Variants in TTC12 observed in about 807,000 individuals in gnomAD.
TTC12 encodes the protein tetratricopeptide repeat domain 12.
Under a neutral mutation model 90.1 loss-of-function variants are expected in TTC12, and 70 were observed. The ratio of observed to expected loss-of-function variants is 0.78; its 90% CI spans 0.64 to 0.95. The LOEUF is 0.95. TTC12 is among the 40% of genes least tolerant of loss of function. The pLI is 0.00. For synonymous variants in TTC12, 296 were observed against 311.5 expected, an observed-to-expected ratio of 0.95 and a Z score of 0.53; for missense variants, 819 against 846.1, an observed-to-expected ratio of 0.97 and a Z score of 0.40.
In TTC12 at chr11:113,358,966, C is replaced by T. The variant is rs569718626; in HGVS notation, c.1447-397C>T. ...CCTTCATCTACTCTCAGTGCCTTCC[C>T]TTTGAAGATCTATTAGGAGCATGTC... is the stretch of plus-strand genomic sequence containing the variant. On this transcript the variant is annotated intron_variant, in intron 16 of 21. Transcript: ENST00000529221. 5.9e-5 allele frequency among the ~76,000 whole-genome samples: 9 copies of T among 152,084 alleles called. No homozygotes were observed. In the South Asian group the frequency reaches 1.9e-3, roughly 32 times the overall value.
rs372223919 is a variant in TTC12 at position 113,351,293 on chromosome 11, C to T, written c.1302C>T (p.Gly434=). The change falls in exon 15 of 22, where the codon GGC becomes GGT. Residue 434 remains glycine (G), a synonymous_variant. Transcript: ENST00000529221. The stretch of plus-strand genomic sequence containing the variant: ...CAGGTGTTCTCCCTGCACTCACAGG[C>T]GTTCTGGTGAGCAAACTGTCATTTT... ...NLPGVLPALT[G]VLKTDPKVSS... 2.5e-5 allele frequency: 40 copies of T among 1,613,680 alleles called. No individual in the cohort carries two copies. The highest frequency in any genetic ancestry group is 2.8e-5 in the Non-Finnish European group (33 of 1,179,712).
intron 12 of TTC12, 22 bp downstream of exon 12, chr11:113,341,947 T>C (rs782490925): frequency 2.5e-6 from 4 of 1,597,510 alleles, no homozygotes; most frequent in East Asian, 2.2e-5. Flanking sequence ...TAATCACCGT[T>C]GATCACCATT....
intron 18 of TTC12, 58 bp downstream of exon 18, chr11:113,360,066 T>A (rs1041583722): frequency 1.7e-6 from 2 of 1,204,852 alleles, no homozygotes; most frequent in Admixed American, 2.1e-5. Context: ...TTTGTTTTGT[T>A]TTGTTTTGTT....
In TTC12 at chr11:113,326,026, C is replaced by T. The variant is rs182701146; in HGVS notation, c.444+381C>T. On this transcript the variant is annotated intron_variant, in intron 6 of 21. Coordinates refer to ENST00000529221, the MANE Select transcript of TTC12 (RefSeq NM_017868.4). ...TCTGCTACCAACATATTTCTTCAGCCTCCTTTTTTGGTACTAGTCTTAACT... is the reference window on the plus strand; with the variant it reads ...TCTGCTACCAACATATTTCTTCAGCTTCCTTTTTTGGTACTAGTCTTAACT... Among the ~76,000 whole-genome samples, 797 of 152,022 alleles carry T rather than the reference C, an allele frequency of 5.2e-3. 7 individuals are homozygous for T. Among genetic ancestry groups the T allele is most frequent in the African/African-American group, 0.018 (749 of 41,320 alleles).
intron 9 of TTC12, 23 bp from the exon 10 acceptor site, chr11:113,339,263 G>T (rs1948549697): frequency 1.3e-6 from 2 of 1,575,842 alleles, no homozygotes; most frequent in Non-Finnish European, 8.6e-7. Context: ...GTTTTGTTTT[G>T]CTTTCCTTTC....
intron 1 of TTC12, chr11:113,314,858 G>C (rs1946823395): frequency 6.8e-6 from 1 of 146,992 alleles, no homozygotes. Context: ...GCGCGCGTCT[G>C]GGGCAGGCTC....
At chr11:113,336,674 G>T (rs1371355322) in intron 8 of TTC12, among the ~76,000 whole-genome samples, 2 of 152,102 alleles carry the variant, frequency 1.3e-5, no homozygotes, top group African/African-American at 4.8e-5. Context: ...AAATATATGG[G>T]TTTATTTTTG....
Position 113,351,597 on chromosome 11 carries a change from C to T in TTC12, c.1308+298C>T, listed in dbSNP as rs548777016. On this transcript the variant is annotated intron_variant, in intron 15 of 21. Transcript: ENST00000529221. ...AGTCCCCTGCTGACACTAAGTACGA[C>T]GTGCAACCCTATTCCCAGATGGAAG... 3.3e-5 allele frequency among the ~76,000 whole-genome samples: 5 copies of T among 152,298 alleles called. No individual in the cohort carries two copies. The South Asian group carries it at 6.2e-4, about 19-fold the overall frequency.
intron 16 of TTC12, among the ~76,000 whole-genome samples, chr11:113,356,714 G>T (rs1949655406): frequency 6.6e-6 from 1 of 152,096 alleles, no homozygotes; most frequent in South Asian, 2.1e-4. Context: ...TGAAATTCTG[G>T]GTTGGAATTT....
At chr11:113,316,751 A>G (rs986065874) in intron 2 of TTC12, among the ~76,000 whole-genome samples, 41 of 152,198 alleles carry the variant, frequency 2.7e-4, no homozygotes, top group Admixed American at 2.6e-4. Context: ...GGATCCATCA[A>G]ATTACATGGA....
chr11:113,339,675 A>G (rs987451041), intron 10 of TTC12: 6 of 510,730 alleles, frequency 1.2e-5, no homozygotes, highest in Admixed American at 6.6e-5. Flanking sequence ...GCATGCGTAC[A>G]CTCAGCACAC....
chr11:113,340,338 G>A (rs1164517470), intron 10 of TTC12, among the ~76,000 whole-genome samples: 1 of 152,180 alleles, frequency 6.6e-6, no homozygotes. Context: ...GGATATGCTG[G>A]TACTTCCCAT....
At chr11:113,368,139 C>G (rs761106506), downstream of TTC12, 5 of 1,324,150 alleles carry the variant, frequency 3.8e-6, no homozygotes, top group South Asian at 1.3e-5. Context: ...ATTCTCTTCC[C>G]CAAAGAGTGG....
intron 16 of TTC12, among the ~76,000 whole-genome samples, chr11:113,359,051 GC>G (rs782278421): frequency 7.2e-5 from 11 of 151,776 alleles, no homozygotes; most frequent in Admixed American, 3.3e-4. Context: ...TAGCCATCTT[GC>G]CTGATCCTGA....
chr11:113,318,739 G>T (rs1182053120), intron 2 of TTC12, among the ~76,000 whole-genome samples: 2 of 152,180 alleles, frequency 1.3e-5, no homozygotes, highest in African/African-American at 2.4e-5. Context: ...TCCTGGGTGG[G>T]AAGTAAGGAG....
At chr11:113,361,332 C>T (rs1390802662) in intron 18 of TTC12, among the ~76,000 whole-genome samples, 2 of 152,216 alleles carry the variant, frequency 1.3e-5, no homozygotes, top group Non-Finnish European at 2.9e-5. Context: ...TGACAGTGAA[C>T]AGGCAATGGT....
At chr11:113,368,423 A>G, downstream of TTC12, 4 of 1,550,288 alleles carry the variant, frequency 2.6e-6, no homozygotes, top group Non-Finnish European at 3.5e-6. Context: ...TCCACTTGCC[A>G]GGAGCCCCGA....
chr11:113,339,577 A>G lies in TTC12; in HGVS notation c.826+103A>G, dbSNP rs1948570897. 13 of 1,079,152 alleles carry G rather than the reference A, an allele frequency of 1.2e-5. No individual in the cohort carries two copies. The South Asian group carries it at 2.2e-4, about 18-fold the overall frequency. 66.8% of individuals were successfully genotyped at this position (1,079,152 alleles called of 1,614,324 possible). A position where few individuals can be genotyped will look rare whatever the true frequency, so the allele number is the denominator to read the frequency against. On this transcript the variant is annotated intron_variant, in intron 10 of 21. Transcript: ENST00000529221. Reference sequence around the variant, plus strand: ...CAAGAATCCCTCCCTTCCTTCCACAAATATTGATTAAAGATATACGCTAAT... The same window carrying G: ...CAAGAATCCCTCCCTTCCTTCCACAGATATTGATTAAAGATATACGCTAAT...
chr11:113,372,246 CAG>C (rs1257128176), intron 21 of TTC12, among the ~76,000 whole-genome samples: 1 of 152,192 alleles, frequency 6.6e-6, no homozygotes, highest in Non-Finnish European at 1.5e-5. Flanking sequence ...TCATCAACAT[CAG>C]GGGAAAATAA....
Sources: allele counts gnomAD v4.1 joint callset (sites outside exome capture counted in the v4.1 genomes callset), GRCh38; gene constraint gnomAD v4.1.1; transcripts MANE v1.5; gene names NCBI Gene and HGNC (gene_info 2026-07-23, HGNC 2026-07-21).